Variants in MYO5A observed in about 807,000 individuals in gnomAD.
The protein encoded by MYO5A is unconventional myosin-Va.
Under a neutral mutation model 249.7 loss-of-function variants are expected in MYO5A, and 98 were observed. That is an observed-to-expected ratio of 0.39 (90% CI 0.33 to 0.46). MYO5A has a LOEUF of 0.46. Ranked by LOEUF, MYO5A falls within the 20% of genes least tolerant of loss-of-function variation. The pLI is 0.98. For synonymous variants in MYO5A, 778 were observed against 810.6 expected (o/e 0.96, Z 0.68); for missense variants, 1,696 against 2,308.8 (o/e 0.73, Z 5.44).
At chr15:52,520,854 T>C (rs2077603278) in intron 1 of MYO5A, among the ~76,000 whole-genome samples, 1 of 152,184 alleles carries the variant, frequency 6.6e-6, no homozygotes, top group African/African-American at 2.4e-5. Flanking sequence ...ATGGCATATA[T>C]TGATTTGTTT....
chr15:52,464,789 T>C (rs939142527), intron 1 of MYO5A, among the ~76,000 whole-genome samples: 2 of 152,186 alleles, frequency 1.3e-5, no homozygotes, highest in Non-Finnish European at 2.9e-5. Flanking sequence ...TGACCAGATG[T>C]TTCCAACACC....
chr15:52,528,094 T>C (rs531902130), intron 1 of MYO5A, among the ~76,000 whole-genome samples: 2 of 152,274 alleles, frequency 1.3e-5, no homozygotes, highest in South Asian at 4.1e-4. Flanking sequence ...GGGAAAGGCT[T>C]GCCCCAGAGG....
intron 4 of MYO5A, among the ~76,000 whole-genome samples, chr15:52,416,719 ATTTCT>A (rs781328335): frequency 2.0e-5 from 3 of 152,202 alleles, no homozygotes; most frequent in Non-Finnish European, 4.4e-5. Flanking sequence ...GCATTACATC[ATTTCT>A]TTTCAAGAAA....
At chr15:52,457,736 C>A (rs1231944519) in intron 1 of MYO5A, among the ~76,000 whole-genome samples, 1 of 152,076 alleles carries the variant, frequency 6.6e-6, no homozygotes, top group African/African-American at 2.4e-5. Flanking sequence ...AACTACCATA[C>A]AATCCAGTAA....
At position 52,372,668 on chromosome 15, in the gene MYO5A, C is replaced by G. The variant is rs568752901; in HGVS notation, c.2578-305G>C. On this transcript the variant is annotated intron_variant, in intron 20 of 41. Coordinates refer to ENST00000399233, the MANE Select transcript of MYO5A (RefSeq NM_001382347.1). ...AGTTGGAAGCTGTCTAAATAAAAAG[C>G]ACCAGATTACCAAAAGAAAAACAAC... Among the ~76,000 whole-genome samples, 23 of 152,182 alleles carry G rather than the reference C, an allele frequency of 1.5e-4. No individual in the cohort carries two copies. The East Asian group carries it at 4.1e-3, about 27-fold the overall frequency.
At chr15:52,480,542 CCT>C (rs1364380452) in intron 1 of MYO5A, among the ~76,000 whole-genome samples, 1 of 152,194 alleles carries the variant, frequency 6.6e-6, no homozygotes, top group Non-Finnish European at 1.5e-5. Context: ...TCCTTGAGGC[CCT>C]CTCTGGCTCC....
chr15:52,310,914 A>C lies in MYO5A; in HGVS notation c.*2782T>G, dbSNP rs745870587. On this transcript the variant is annotated 3_prime_UTR_variant, in exon 42 of 42. Coordinates refer to ENST00000399233, the MANE Select transcript of MYO5A (RefSeq NM_001382347.1). ...TCCCTGGTTACAAGGTATTCTTGTC[A>C]ATGACTAAAAATCTCCAGGCCACCA... 6.6e-6 allele frequency: 1 copy of C among 152,190 alleles called. No individual in the cohort carries two copies. Among genetic ancestry groups the C allele is most frequent in the Non-Finnish European group, 1.5e-5 (1 of 68,044 alleles). The allele number at this position is 152,190 out of a possible 1,614,324, so 9.4% of individuals were successfully genotyped here.
At chr15:52,361,101 C>A (rs988835097) in intron 24 of MYO5A, among the ~76,000 whole-genome samples, 2 of 152,150 alleles carry the variant, frequency 1.3e-5, no homozygotes, top group African/African-American at 4.8e-5. Flanking sequence ...GCCAACCCAA[C>A]CTGTACTGCA....
intron 25 of MYO5A, among the ~76,000 whole-genome samples, chr15:52,355,790 TAA>T (rs2040190695): frequency 6.6e-6 from 1 of 152,202 alleles, no homozygotes; most frequent in Non-Finnish European, 1.5e-5. Flanking sequence ...GCATTTTATA[TAA>T]GAGACTTGAG....
rs888738487 is a variant in MYO5A, at chr15:52,442,914, C to A, written c.28-9629G>T. ...GGGACTACAATACAAGTGCATGCCA[C>A]CAATCCTGGCTAATTTTTAGTAAAG... On this transcript the variant is annotated intron_variant, in intron 1 of 41. Transcript: ENST00000399233. Among the ~76,000 whole-genome samples the A allele has an allele frequency of 1.1e-4, 17 of 152,238 alleles. No individual in the cohort carries two copies. The South Asian group carries it at 3.3e-3, about 30-fold the overall frequency.
At chr15:52,330,082 G>A (rs1457845883) in intron 35 of MYO5A, among the ~76,000 whole-genome samples, 2 of 151,328 alleles carry the variant, frequency 1.3e-5, no homozygotes, top group Non-Finnish European at 2.9e-5. Context: ...ACATCAGTAT[G>A]GTTCAAAGCT....
chr15:52,379,747 A>G lies in MYO5A; in HGVS notation c.2100-14T>C, dbSNP rs745778399. ...TGGTAAGTCCACCTATTAAAAGAAA[A>G]CCATCTGAGTTTACTTAAAGAACTA... is the stretch of plus-strand genomic sequence containing the variant. On this transcript the variant is annotated splice_polypyrimidine_tract_variant and intron_variant, in intron 17 of 41. Transcript: ENST00000399233. 6.2e-7 allele frequency: 1 copy of G among 1,614,074 alleles called. No individual in the cohort carries two copies. The highest frequency in any genetic ancestry group is 1.1e-5 in the South Asian group (1 of 91,080).
chr15:52,428,907 T>C (rs1362740458), intron 2 of MYO5A, among the ~76,000 whole-genome samples: 1 of 152,188 alleles, frequency 6.6e-6, no homozygotes, highest in Non-Finnish European at 1.5e-5. Context: ...GCGGACAATA[T>C]AAAAGAGTGG....
intron 1 of MYO5A, among the ~76,000 whole-genome samples, chr15:52,501,666 A>G (rs2077160400): frequency 6.6e-6 from 1 of 152,216 alleles, no homozygotes; most frequent in Non-Finnish European, 1.5e-5. Flanking sequence ...ACTTGAAAAA[A>G]GAAAATATTT....
At chr15:52,420,384 GGTTA>G (rs956780527) in intron 4 of MYO5A, among the ~76,000 whole-genome samples, 2 of 151,686 alleles carry the variant, frequency 1.3e-5, no homozygotes, top group Non-Finnish European at 1.5e-5. Flanking sequence ...AATGGAAGTG[GGTTA>G]GTTACTGCAG....
At chr15:52,406,980 CT>C (rs1446367842) in intron 8 of MYO5A, among the ~76,000 whole-genome samples, 4 of 152,152 alleles carry the variant, frequency 2.6e-5, no homozygotes, top group Non-Finnish European at 5.9e-5. Flanking sequence ...TAGCCCTCCC[CT>C]GATGCCCCAA....
At chr15:52,462,095 C>T (rs2076262882) in intron 1 of MYO5A, among the ~76,000 whole-genome samples, 1 of 150,200 alleles carries the variant, frequency 6.7e-6, no homozygotes, top group East Asian at 2.0e-4. Flanking sequence ...AACCCCGTCT[C>T]TACTAAAAAA....
At chr15:52,491,940 A>T (rs1018243684) in intron 1 of MYO5A, among the ~76,000 whole-genome samples, 1 of 152,238 alleles carries the variant, frequency 6.6e-6, no homozygotes, top group Non-Finnish European at 1.5e-5. Context: ...ATAGAGTACG[A>T]ACCTATAGCT....
chr15:52,347,455 A>G (rs2039697402), intron 29 of MYO5A, among the ~76,000 whole-genome samples: 1 of 152,208 alleles, frequency 6.6e-6, no homozygotes, highest in Non-Finnish European at 1.5e-5. Context: ...TTTGGACCAC[A>G]TATTTGTCTA....
Sources: gnomAD v4.1 joint callset for allele counts (sites outside exome capture counted in the v4.1 genomes callset) on GRCh38, gnomAD v4.1.1 for gene constraint, MANE v1.5 for transcripts, NCBI Gene and HGNC (gene_info 2026-07-23, HGNC 2026-07-21) for gene names.